Variants in STARD9 observed in about 807,000 individuals in gnomAD.
The protein encoded by STARD9 is StAR related lipid transfer domain containing 9.
A neutral mutation model predicts 399.8 loss-of-function variants in STARD9; 346 were observed. The observed-to-expected ratio is 0.87, with a 90% CI of 0.79 to 0.95. The LOEUF is 0.95. Among genes scored for constraint, STARD9 ranks in the 40% least tolerant of loss-of-function variants. STARD9 has a pLI of 0.00. For synonymous variants in STARD9, 2,203 were observed against 2,143.5 expected, an observed-to-expected ratio of 1.03 and a Z score of -0.77; for missense variants, 5,832 against 5,667.5, an observed-to-expected ratio of 1.03 and a Z score of -0.93.
At chr15:42,609,433 A>G (rs1226577478) in intron 3 of STARD9, among the ~76,000 whole-genome samples, 2 of 150,536 alleles carry the variant, frequency 1.3e-5, no homozygotes, top group South Asian at 2.1e-4. Flanking sequence ...GGAAACAACT[A>G]TTTTTAAAAC....
rs545235526 is a variant in STARD9 at position 42,692,905 on chromosome 15, G to A, written c.11327G>A (p.Gly3776Glu). 121 of 1,537,262 alleles carry A rather than the reference G, an allele frequency of 7.9e-5. No homozygotes were observed. The highest frequency in any genetic ancestry group is 3.3e-4 in the Middle Eastern group (2 of 5,990). The change falls in exon 23 of 33, where the codon GGA becomes GAA. Residue 3776 changes from glycine (G) to glutamate (E), a missense_variant. Physicochemically the swap from Gly to Glu is moderately conservative, Grantham distance 98. This residue lies in a region of STARD9 where 5,828 missense variants were observed against 5,651.1 expected (regional missense o/e 1.03). Transcript: ENST00000290607. Reference protein sequence around the residue: ...SDTSTVSQEEGDVPGVPQKRE... With the variant: ...SDTSTVSQEEEDVPGVPQKRE... ...ACCTCGACTGTGTCTCAAGAAGAGGGAGATGTGCCAGGGGTACCTCAGAAG... is the reference window on the plus strand; with the variant it reads ...ACCTCGACTGTGTCTCAAGAAGAGGAAGATGTGCCAGGGGTACCTCAGAAG...
intron 3 of STARD9, among the ~76,000 whole-genome samples, chr15:42,597,410 C>T (rs1197411951): frequency 6.6e-6 from 1 of 152,132 alleles, no homozygotes; most frequent in African/African-American, 2.4e-5. Context: ...CTGTGTCACC[C>T]AGGCTGGAGT....
At chr15:42,701,313 GA>G (rs954141357) in intron 26 of STARD9, among the ~76,000 whole-genome samples, 3 of 152,120 alleles carry the variant, frequency 2.0e-5, no homozygotes, top group African/African-American at 7.2e-5. Flanking sequence ...AGCTTGCATT[GA>G]ATCTGTAGAT....
At chr15:42,661,580 G>A (rs2059994634) in intron 10 of STARD9, among the ~76,000 whole-genome samples, 2 of 152,056 alleles carry the variant, frequency 1.3e-5, no homozygotes, top group African/African-American at 4.8e-5. Flanking sequence ...GAGTAGCTGG[G>A]ACTACAGGCA....
intron 3 of STARD9, among the ~76,000 whole-genome samples, chr15:42,617,525 G>A (rs1465149703): frequency 6.6e-6 from 1 of 151,504 alleles, no homozygotes; most frequent in East Asian, 2.0e-4. Context: ...TATCACCCTA[G>A]TTGGAATTGG....
chr15:42,588,820 TG>T (rs2058337754), intron 3 of STARD9, among the ~76,000 whole-genome samples: 1 of 74,686 alleles, frequency 1.3e-5, no homozygotes, highest in African/African-American at 4.9e-5. Context: ...TTTTTTGGAG[TG>T]GGGGGTGGGG....
intron 7 of STARD9, among the ~76,000 whole-genome samples, chr15:42,640,210 G>A (rs1253037230): frequency 6.6e-6 from 1 of 152,174 alleles, no homozygotes; most frequent in Non-Finnish European, 1.5e-5. Flanking sequence ...GAGCCAGCGT[G>A]CTTGGCTGTA....
In STARD9 at chr15:42,693,296, C is replaced by G. The variant is rs1595789823; in HGVS notation, c.11718C>G (p.Ala3906=). The G allele has an allele frequency of 6.5e-7, 1 of 1,537,106 alleles. No homozygotes were observed. Among genetic ancestry groups the G allele is most frequent in the Admixed American group, 2.0e-5 (1 of 50,996 alleles). ...CCTCCCCAATCCTCACTCTTAGTGC[C>G]AGCACCCAAGAGCCGGGTCTTTCCC... ...RASSPILTLS[A]STQEPGLSPG... is the part of the protein sequence containing the mutation. The change falls in exon 23 of 33, where the codon GCC becomes GCG. Residue 3906 remains alanine (A), a synonymous_variant. Transcript: ENST00000290607.
At chr15:42,718,984 T>C in intron 32 of STARD9, 74 bp downstream of exon 32, 1 of 1,416,880 alleles carries the variant, frequency 7.1e-7, no homozygotes, top group Non-Finnish European at 9.6e-7. Flanking sequence ...TTTTTCTGTC[T>C]CGCTTTTGAA....
chr15:42,703,491 G>A (rs1566959725), intron 26 of STARD9, among the ~76,000 whole-genome samples: 1 of 149,468 alleles, frequency 6.7e-6, no homozygotes, highest in Non-Finnish European at 1.5e-5. Flanking sequence ...AGCCTCCCAA[G>A]TAGCTGAGAT....
intron 3 of STARD9, among the ~76,000 whole-genome samples, chr15:42,589,266 G>A (rs1223791743): frequency 2.0e-5 from 3 of 152,010 alleles, no homozygotes; most frequent in Admixed American, 2.0e-4. Context: ...TGTCTAGGCT[G>A]GTCTTGAGCT....
At chr15:42,585,905 G>C (rs892959021) in intron 3 of STARD9, among the ~76,000 whole-genome samples, 9 of 152,154 alleles carry the variant, frequency 5.9e-5, no homozygotes, top group African/African-American at 2.2e-4. Context: ...CGGTAATATC[G>C]TGTATTTCCT....
At chr15:42,653,833 C>T (rs1031956321) in intron 9 of STARD9, among the ~76,000 whole-genome samples, 6 of 152,038 alleles carry the variant, frequency 3.9e-5, no homozygotes, top group Admixed American at 3.3e-4. Flanking sequence ...CATTCTTTCT[C>T]GTTTCTTCTC....
chr15:42,690,193 AGT>A lies in STARD9; in HGVS notation c.8621_8622del (p.Val2874AlafsTer3), dbSNP rs1566944083. 1.3e-6 allele frequency: 2 copies of A among 1,537,514 alleles called. No homozygotes were observed. Among genetic ancestry groups the A allele is most frequent in the African/African-American group, 2.7e-5 (2 of 73,014 alleles). ...GTTGCACTGGAAGCTCCCACACAGC[AGT>A]GTGTGCAGTGTAAGGAGAGTGTTGG... is the stretch of plus-strand genomic sequence containing the variant. On this transcript the variant is annotated frameshift_variant, in exon 23 of 33. Transcript: ENST00000290607. LOFTEE classifies it high-confidence loss of function.
intron 3 of STARD9, among the ~76,000 whole-genome samples, chr15:42,593,135 G>T (rs577247521): frequency 1.3e-5 from 2 of 152,132 alleles, no homozygotes; most frequent in South Asian, 4.1e-4. Context: ...ATTATCATAC[G>T]TAGTACAAGA....
At position 42,689,309 on chromosome 15, in the gene STARD9, C is replaced by G; in HGVS notation, c.7731C>G (p.Tyr2577Ter). 1 of 1,537,248 alleles carries G rather than the reference C, an allele frequency of 6.5e-7. No individual in the cohort carries two copies. The highest frequency in any genetic ancestry group is 1.7e-4 in the Middle Eastern group (1 of 5,990). Residue 2577 changes from tyrosine to a stop codon, truncating the protein, a stop_gained, in exon 23 of 33, where the codon TAC (tyrosine) becomes TAG (stop). Coordinates refer to ENST00000290607, the MANE Select transcript of STARD9 (RefSeq NM_020759.3). LOFTEE classifies it high-confidence loss of function. Reference sequence around the variant, plus strand: ...TGGCCAGGGGCACAGTCCTTTCTTACTGTGAAACTTTACTAGAACCCGAAT... The same window carrying G: ...TGGCCAGGGGCACAGTCCTTTCTTAGTGTGAAACTTTACTAGAACCCGAAT... The part of the protein sequence containing the change: ...DFVARGTVLS[Y>*]CETLLEPECS...
At chr15:42,682,858 T>C (rs886764871) in intron 22 of STARD9, among the ~76,000 whole-genome samples, 13 of 152,152 alleles carry the variant, frequency 8.5e-5, no homozygotes, top group African/African-American at 3.1e-4. Flanking sequence ...ACTTTTCGTC[T>C]GTTCCTTAGA....
Position 42,713,991 on chromosome 15 carries a change from G to A in STARD9, c.13285-2686G>A, listed in dbSNP as rs549799403. On this transcript the variant is annotated intron_variant, in intron 26 of 32. Transcript: ENST00000290607. ...ACGTTTGGTAGATTTTACTAATGAA[G>A]CTATCTTGAAATTTTCTTTGATCAC... Among the ~76,000 whole-genome samples, 5 of 151,560 alleles carry A rather than the reference G, an allele frequency of 3.3e-5. 1 individual carries two copies. In the South Asian group the frequency reaches 1.0e-3, roughly 32 times the overall value.
Position 42,686,499 on chromosome 15 carries a change from C to G in STARD9, c.4921C>G (p.Leu1641Val). The G allele has an allele frequency of 1.3e-6, 2 of 1,537,780 alleles. No individual in the cohort carries two copies. The highest frequency in any genetic ancestry group is 1.7e-6 in the Non-Finnish European group (2 of 1,147,068). ...CCTTCAGAGTTGCAGGAAACCTGGA[C>G]TGATGACTTCCTCTGATGAGGATTT... ...ECLQSCRKPG[L>V]MTSSDEDFFQ... Residue 1641 changes from leucine to valine, a missense_variant, in exon 23 of 33, where the codon CTG becomes GTG. Physicochemically the swap from Leu to Val is conservative, Grantham distance 32. Transcript: ENST00000290607.
Sources: allele counts gnomAD v4.1 joint callset (sites outside exome capture counted in the v4.1 genomes callset), GRCh38; gene constraint gnomAD v4.1.1; regional missense constraint gnomAD v4.1.1; transcripts MANE v1.5; gene names NCBI Gene and HGNC (gene_info 2026-07-23, HGNC 2026-07-21).